TNIP1: variants seen among roughly 807,000 people sequenced by gnomAD.
TNIP1 encodes TNFAIP3-interacting protein 1.
TNIP1 carries 22 observed loss-of-function variants against 86.6 expected under a neutral mutation model. The observed-to-expected ratio is 0.25, with a 90% CI of 0.18 to 0.36. The LOEUF is 0.36. Among genes scored for constraint, TNIP1 ranks in the 10% least tolerant of loss-of-function variants. The pLI is 1.00. For synonymous variants in TNIP1, 294 were observed against 313.0 expected (o/e 0.94, Z 0.64); for missense variants, 709 against 820.6 (o/e 0.86, Z 1.66).
chr5:151,035,623 C>A lies in TNIP1; in HGVS notation c.1480G>T (p.Val494Leu), dbSNP rs768677901. Reference sequence around the variant, plus strand: ...GTGACCTGGGCCTGCAGCTTCTCCACTTGCTTCTTCAGCTCTTCCTTCTCC... The same window carrying A: ...GTGACCTGGGCCTGCAGCTTCTCCAATTGCTTCTTCAGCTCTTCCTTCTCC... ...NEEKEELKKQ[V>L]EKLQAQVTLS... The change falls in exon 14 of 18, where the codon GTG becomes TTG. Residue 494 changes from valine (V) to leucine (L), a missense_variant. By Grantham distance (32) the Val-to-Leu change is conservative. Transcript: ENST00000521591. 6.2e-7 allele frequency: 1 copy of A among 1,614,220 alleles called. No individual in the cohort carries two copies. The highest frequency in any genetic ancestry group is 1.7e-5 in the Admixed American group (1 of 60,030).
At position 151,063,632 on chromosome 5, in the gene TNIP1, G is replaced by T. The variant is rs750219859; in HGVS notation, c.252C>A (p.Asp84Glu). The T allele has an allele frequency of 1.2e-6, 2 of 1,614,048 alleles. No homozygotes were observed. Among genetic ancestry groups the T allele is most frequent in the Middle Eastern group, 3.3e-4 (2 of 6,050 alleles). ...TTATACCTGTGAGCTCAGCCAGGGG[G>T]TCGAAGGAGCCCAAGGAGGGAGAAG... ...PPPSPSLGSFDPLAELTGKDS... is the reference protein window; with the variant it reads ...PPPSPSLGSFEPLAELTGKDS... The change falls in exon 3 of 18, where the codon GAC becomes GAA. Residue 84 changes from aspartate to glutamate, a missense_variant. Asp to Glu is a conservative substitution (Grantham distance 45). Transcript: ENST00000521591.
chr5:151,065,394 G>C (rs1168913465), intron 1 of TNIP1, among the ~76,000 whole-genome samples: 3 of 152,110 alleles, frequency 2.0e-5, no homozygotes, highest in African/African-American at 4.8e-5. Flanking sequence ...TAAACAGTAG[G>C]GTGCAATGTG....
At chr5:151,081,435 A>G (rs1183932837), upstream of TNIP1, among the ~76,000 whole-genome samples, 1 of 152,024 alleles carries the variant, frequency 6.6e-6, no homozygotes, top group East Asian at 1.9e-4. Flanking sequence ...GCACGTAAGC[A>G]TTTGGCCCTA....
chr5:151,068,310 C>T (rs895848259), intron 1 of TNIP1, among the ~76,000 whole-genome samples: 7 of 152,306 alleles, frequency 4.6e-5, no homozygotes, highest in Non-Finnish European at 7.4e-5. Flanking sequence ...CAGACGGGAA[C>T]TCTCCCTCTG....
At chr5:151,037,849 G>A (rs776001531) in intron 12 of TNIP1, among the ~76,000 whole-genome samples, 10 of 152,202 alleles carry the variant, frequency 6.6e-5, no homozygotes, top group Admixed American at 1.3e-4. Context: ...AGAAACTGCA[G>A]GACCGAGAGT....
At chr5:151,039,870 A>C (rs1247443152) in intron 11 of TNIP1, among the ~76,000 whole-genome samples, 1 of 152,222 alleles carries the variant, frequency 6.6e-6, no homozygotes, top group African/African-American at 2.4e-5. Flanking sequence ...ACCACAGCTG[A>C]GGGAAGGCTT....
intron 4 of TNIP1, among the ~76,000 whole-genome samples, chr5:151,060,733 G>C (rs1188105163): frequency 2.0e-5 from 3 of 152,212 alleles, no homozygotes; most frequent in Non-Finnish European, 2.9e-5. Context: ...TATTTCTCAG[G>C]GTGACCCATG....
At chr5:151,085,569 C>T (rs1465823874), upstream of TNIP1, among the ~76,000 whole-genome samples, 2 of 152,198 alleles carry the variant, frequency 1.3e-5, no homozygotes, top group Non-Finnish European at 2.9e-5. Flanking sequence ...TTCTAGGGCA[C>T]CACTGGAGGA....
At chr5:151,045,837 A>G in intron 9 of TNIP1, 24 bp downstream of exon 9, 3 of 1,611,210 alleles carry the variant, frequency 1.9e-6, no homozygotes, top group East Asian at 2.2e-5. Context: ...GGATCCTCCC[A>G]CTACTGCCAC....
Position 151,042,892 on chromosome 5 carries a change from T to C in TNIP1, c.1002+4A>G, listed in dbSNP as rs1561823739. On this transcript the variant is annotated splice_donor_region_variant and intron_variant, in intron 10 of 17. Coordinates refer to ENST00000521591, the MANE Select transcript of TNIP1 (RefSeq NM_006058.5). The stretch of plus-strand genomic sequence containing the variant: ...TGTGGGCGTGGCCAGGAACCCCACA[T>C]TACCTTCTGCTCATACTGCTGCTTC... 6.2e-7 allele frequency: 1 copy of C among 1,613,714 alleles called. No homozygotes were observed. Among genetic ancestry groups the C allele is most frequent in the South Asian group, 1.1e-5 (1 of 91,068 alleles).
intron 5 of TNIP1, among the ~76,000 whole-genome samples, chr5:151,059,818 A>AGTGTGTGTGT (rs1561512723): frequency 2.9e-5 from 3 of 102,978 alleles, no homozygotes; most frequent in African/African-American, 1.5e-4. Flanking sequence ...AGAGAGAGAG[A>AGTGTGTGTGT]GAGAGAGAGA....
intron 11 of TNIP1, among the ~76,000 whole-genome samples, chr5:151,041,940 C>CT (rs534852391): frequency 0.1 from 13,754 of 131,874 alleles, 760 homozygotes; most frequent in Middle Eastern, 0.21. Flanking sequence ...CTGCTTGGAT[C>CT]TTTTTTTTTT....
At chr5:151,081,429 G>C (rs1581951703), upstream of TNIP1, among the ~76,000 whole-genome samples, 4 of 152,244 alleles carry the variant, frequency 2.6e-5, no homozygotes, top group East Asian at 7.7e-4. Flanking sequence ...CAAAAGGCAC[G>C]TAAGCATTTG....
intron 1 of TNIP1, among the ~76,000 whole-genome samples, chr5:151,066,258 T>A (rs1296593553): frequency 6.6e-6 from 1 of 152,174 alleles, no homozygotes; most frequent in African/African-American, 2.4e-5. Context: ...CATGAAGACA[T>A]CTGAAGGAAG....
At chr5:151,039,352 A>C in intron 11 of TNIP1, 127 bp from the exon 12 acceptor site, 1 of 1,061,426 alleles carries the variant, frequency 9.4e-7, no homozygotes. Context: ...TCACATGCAA[A>C]GCACCTGGGG....
Position 151,035,491 on chromosome 5 carries a change from T to C in TNIP1, c.1521+91A>G, listed in dbSNP as rs145367776. 2.9e-4 allele frequency: 466 copies of C among 1,584,406 alleles called. 4 individuals are homozygous for C. The East Asian group carries it at 9.8e-3, about 33-fold the overall frequency. On this transcript the variant is annotated intron_variant, in intron 14 of 17. Transcript: ENST00000521591. Reference sequence around the variant, plus strand: ...AGCTGGAGAGAAGCAGTGAGGGTCCTGACATCCAGCCTCACCAGGGCCCTC... The same window carrying C: ...AGCTGGAGAGAAGCAGTGAGGGTCCCGACATCCAGCCTCACCAGGGCCCTC...
At chr5:151,049,082 C>T (rs1007866707) in intron 8 of TNIP1, among the ~76,000 whole-genome samples, 3 of 152,160 alleles carry the variant, frequency 2.0e-5, no homozygotes, top group African/African-American at 7.2e-5. Context: ...AGGAATTAAG[C>T]CATTACGGTA....
At chr5:151,033,081 G>A (rs1303050796) in intron 16 of TNIP1, among the ~76,000 whole-genome samples, 5 of 123,522 alleles carry the variant, frequency 4.0e-5, no homozygotes, top group Admixed American at 3.1e-4. Context: ...AGCCGAGATC[G>A]TATCACTGCA....
intron 1 of TNIP1, among the ~76,000 whole-genome samples, chr5:151,077,194 G>A (rs1408562442): frequency 6.6e-6 from 1 of 152,166 alleles, no homozygotes; most frequent in Non-Finnish European, 1.5e-5. Flanking sequence ...AGCCAAACTG[G>A]CCCCTTTTAT....
Sources: allele counts gnomAD v4.1 joint callset (sites outside exome capture counted in the v4.1 genomes callset), GRCh38; gene constraint gnomAD v4.1.1; transcripts MANE v1.5; gene names NCBI Gene and HGNC (gene_info 2026-07-23, HGNC 2026-07-21).